Variants in EYS observed in about 807,000 individuals in gnomAD.
The protein encoded by EYS is EGF-like photoreceptor maintenance factor.
EYS carries 250 observed loss-of-function variants against 282.1 expected under a neutral mutation model. The ratio of observed to expected loss-of-function variants is 0.89; its 90% CI spans 0.80 to 0.98. The LOEUF (loss-of-function observed/expected upper bound fraction) is 0.98, where lower values mean the gene tolerates loss of function less well. Ranked by LOEUF, EYS falls within the 50% of genes least tolerant of loss-of-function variation. The pLI is 0.00. For missense variants in EYS, 4,016 were observed against 3,709.0 expected (o/e 1.08, Z -2.15); for synonymous variants, 1,355 against 1,282.9 (o/e 1.06, Z -1.20).
chr6:64,831,302 T>A (rs1765206691), intron 19 of EYS, among the ~76,000 whole-genome samples: 1 of 151,996 alleles, frequency 6.6e-6, no homozygotes, highest in Admixed American at 6.6e-5. Context: ...ATGTATATCA[T>A]TAATAAAAAT....
At chr6:64,672,484 G>C (rs73440816) in intron 22 of EYS, among the ~76,000 whole-genome samples, 7 of 152,126 alleles carry the variant, frequency 4.6e-5, no homozygotes, top group African/African-American at 1.7e-4. Flanking sequence ...GCCTTTTAAA[G>C]TATTCAAGGG....
At chr6:63,865,343 C>T (rs528182302) in intron 35 of EYS, among the ~76,000 whole-genome samples, 2 of 152,248 alleles carry the variant, frequency 1.3e-5, no homozygotes, top group South Asian at 4.1e-4. Context: ...ATCTGGGTAC[C>T]AGATCTAGCC....
At chr6:65,010,542 T>C (rs1189321092) in intron 13 of EYS, among the ~76,000 whole-genome samples, 1 of 152,048 alleles carries the variant, frequency 6.6e-6, no homozygotes, top group East Asian at 1.9e-4. Flanking sequence ...ATTTTAGAGG[T>C]TCCCTTGACT....
chr6:64,540,840 T>C (rs1434645108), intron 26 of EYS, among the ~76,000 whole-genome samples: 2 of 152,088 alleles, frequency 1.3e-5, no homozygotes, highest in Non-Finnish European at 2.9e-5. Context: ...TTATATTACA[T>C]GGCAATGTGC....
At chr6:64,316,638 C>T (rs1022555762) in intron 29 of EYS, among the ~76,000 whole-genome samples, 4 of 152,028 alleles carry the variant, frequency 2.6e-5, no homozygotes, top group African/African-American at 9.7e-5. Context: ...CCATACTGCC[C>T]AAAGTAATTT....
chr6:65,157,936 T>C (rs969705119), intron 12 of EYS, among the ~76,000 whole-genome samples: 28 of 150,966 alleles, frequency 1.9e-4, no homozygotes, highest in Admixed American at 6.0e-4. Flanking sequence ...CTGGCAACCA[T>C]AATCTAGAAA....
In EYS at chr6:63,736,599, A is replaced by G. The variant is rs1768919548; in HGVS notation, c.8072-9919T>C. On this transcript the variant is annotated intron_variant, in intron 41 of 42. Coordinates refer to ENST00000503581, the MANE Select transcript of EYS (RefSeq NM_001142800.2). ...TTTTTTGGTTCCATATGAACTTTAA[A>G]GTAGTTTTTTCCAATTTTGTGAAGA... Among the ~76,000 whole-genome samples, 3 of 152,310 alleles carry G rather than the reference A, an allele frequency of 2.0e-5. No homozygotes were observed. The South Asian group carries it at 6.2e-4, about 32-fold the overall frequency.
At chr6:65,433,850 G>A (rs893918358) in intron 5 of EYS, among the ~76,000 whole-genome samples, 9 of 152,142 alleles carry the variant, frequency 5.9e-5, no homozygotes, top group Non-Finnish European at 1.0e-4. Context: ...TGGCCCAGAG[G>A]AAAAATTAAC....
chr6:65,227,068 T>C (rs1766645997), intron 12 of EYS, among the ~76,000 whole-genome samples: 1 of 150,960 alleles, frequency 6.6e-6, no homozygotes, highest in Non-Finnish European at 1.5e-5. Context: ...ATCCCATCTC[T>C]ACTAAATATA....
At chr6:64,084,212 CTAGGAT>C (rs1249149667) in intron 31 of EYS, among the ~76,000 whole-genome samples, 1 of 152,202 alleles carries the variant, frequency 6.6e-6, no homozygotes, top group Non-Finnish European at 1.5e-5. Context: ...ACTGCCACGC[CTAGGAT>C]TTGCAGCCAT....
chr6:64,173,173 TA>T (rs973629120), intron 31 of EYS, among the ~76,000 whole-genome samples: 2 of 152,186 alleles, frequency 1.3e-5, no homozygotes, highest in Non-Finnish European at 2.9e-5. Context: ...AGCTAACTCA[TA>T]AAGATACAGT....
chr6:65,576,362 T>G (rs1017533510), intron 2 of EYS, among the ~76,000 whole-genome samples: 1 of 151,706 alleles, frequency 6.6e-6, no homozygotes, highest in African/African-American at 2.4e-5. Context: ...TCAAATAAGT[T>G]TGAAAAAAAT....
At chr6:64,681,197 G>C (rs1769881128) in intron 22 of EYS, among the ~76,000 whole-genome samples, 1 of 152,066 alleles carries the variant, frequency 6.6e-6, no homozygotes, top group Non-Finnish European at 1.5e-5. Context: ...ATAACTGAAG[G>C]CACCAGAACA....
At chr6:65,683,975 G>C (rs766247971) in intron 1 of EYS, among the ~76,000 whole-genome samples, 1 of 151,972 alleles carries the variant, frequency 6.6e-6, no homozygotes, top group Non-Finnish European at 1.5e-5. Context: ...TAGGCAAAGG[G>C]TATCATCACT....
At chr6:64,136,764 A>C (rs899479605) in intron 31 of EYS, among the ~76,000 whole-genome samples, 11 of 152,098 alleles carry the variant, frequency 7.2e-5, no homozygotes, top group African/African-American at 2.7e-4. Flanking sequence ...GATGTGCCAT[A>C]ATCTAGGCTT....
At chr6:65,607,171 T>G (rs1765828259) in intron 2 of EYS, among the ~76,000 whole-genome samples, 1 of 151,884 alleles carries the variant, frequency 6.6e-6, no homozygotes, top group Admixed American at 6.6e-5. Flanking sequence ...TAATTAGCTA[T>G]CAGGCATCAG....
intron 41 of EYS, among the ~76,000 whole-genome samples, chr6:63,729,503 T>G (rs758750138): frequency 6.6e-6 from 1 of 151,884 alleles, no homozygotes; most frequent in Non-Finnish European, 1.5e-5. Flanking sequence ...GTGAAAGATG[T>G]CATGTCTGTG....
At chr6:64,199,048 T>C (rs2150321161) in intron 31 of EYS, among the ~76,000 whole-genome samples, 1 of 152,294 alleles carries the variant, frequency 6.6e-6, no homozygotes, top group Middle Eastern at 3.4e-3. Flanking sequence ...TACTTCATTA[T>C]GCTTTTGATT....
chr6:64,945,079 G>C (rs1769236112), intron 15 of EYS, among the ~76,000 whole-genome samples: 1 of 148,264 alleles, frequency 6.7e-6, no homozygotes, highest in African/African-American at 2.5e-5. Flanking sequence ...GCAGGTCCTT[G>C]GTATGCTGAG....
Sources: allele counts gnomAD v4.1 joint callset (sites outside exome capture counted in the v4.1 genomes callset), GRCh38; gene constraint gnomAD v4.1.1; transcripts MANE v1.5; gene names NCBI Gene and HGNC (gene_info 2026-07-23, HGNC 2026-07-21).